The following PARD3B variants were observed in gnomAD, a reference collection of about 807,000 sequenced individuals.
PARD3B encodes the protein par-3 family cell polarity regulator beta, also known as partitioning defective 3 homolog B.
In PARD3B, 103 loss-of-function variants were observed where a neutral mutation model predicts 130.2. The ratio of observed to expected loss-of-function variants is 0.79; its 90% CI spans 0.67 to 0.93. The LOEUF (loss-of-function observed/expected upper bound fraction) is 0.93. Among genes scored for constraint, PARD3B ranks in the 40% least tolerant of loss-of-function variants. The pLI is 0.00. For missense variants in PARD3B, 1,609 were observed against 1,499.2 expected, an observed-to-expected ratio of 1.07 and a Z score of -1.21; for synonymous variants, 583 against 553.2, an observed-to-expected ratio of 1.05 and a Z score of -0.76.
chr2:205,602,635 A>G (rs986243427), intron 22 of PARD3B, among the ~76,000 whole-genome samples: 2 of 152,128 alleles, frequency 1.3e-5, no homozygotes, highest in Non-Finnish European at 2.9e-5. Flanking sequence ...CATTTCTTCT[A>G]AATTTTCTAG....
chr2:205,141,700 G>A (rs2032968865), intron 10 of PARD3B, among the ~76,000 whole-genome samples: 1 of 152,098 alleles, frequency 6.6e-6, no homozygotes, highest in African/African-American at 2.4e-5. Context: ...TGGAAAAAGG[G>A]GAATCACTTT....
chr2:205,309,341 A>C lies in PARD3B; in HGVS notation c.2630+7640A>C, dbSNP rs995852191. Among the ~76,000 whole-genome samples the C allele has an allele frequency of 6.6e-6, 1 of 152,170 alleles. No homozygotes were observed. The highest frequency in any genetic ancestry group is 6.5e-5 in the Admixed American group (1 of 15,280). ...TAATGCAAGCATACCTCAAAGATAG[A>C]CTAGTTCGGTTACATAGTGGAGCAT... On this transcript the variant is annotated intron_variant, in intron 18 of 22. Coordinates refer to ENST00000406610, the MANE Select transcript of PARD3B (RefSeq NM_001302769.2). This position sits in a 1 kb window ranked among gnomAD's most constrained non-coding sequence, Gnocchi z 4.7.
intron 6 of PARD3B, among the ~76,000 whole-genome samples, chr2:205,114,972 A>G (rs1312585018): frequency 2.0e-5 from 3 of 152,146 alleles, no homozygotes; most frequent in Non-Finnish European, 4.4e-5. Flanking sequence ...AGAAATTCTA[A>G]TGACTTTTGG....
At chr2:204,929,504 G>C (rs1270678831) in intron 2 of PARD3B, among the ~76,000 whole-genome samples, 1 of 152,054 alleles carries the variant, frequency 6.6e-6, no homozygotes, top group Non-Finnish European at 1.5e-5. Context: ...GTCCTTTTAA[G>C]TACCAAAATG....
chr2:205,513,749 G>A (rs13432704), intron 21 of PARD3B, among the ~76,000 whole-genome samples: 71,895 of 151,778 alleles, frequency 0.47, 18,173 homozygotes, highest in Middle Eastern at 0.66. Flanking sequence ...CTGAGGAATC[G>A]AAAGTGAATA....
chr2:205,481,874 A>G (rs1471486177), intron 20 of PARD3B, among the ~76,000 whole-genome samples: 1 of 152,188 alleles, frequency 6.6e-6, no homozygotes, highest in Admixed American at 6.5e-5. Context: ...AGTCCAGAAA[A>G]TAGGAGGGAA....
At chr2:204,827,104 T>C (rs925728911) in intron 2 of PARD3B, among the ~76,000 whole-genome samples, 2 of 152,240 alleles carry the variant, frequency 1.3e-5, no homozygotes, top group African/African-American at 2.4e-5. Context: ...GTTGATCTTA[T>C]GTGTTTATAT....
intron 2 of PARD3B, among the ~76,000 whole-genome samples, chr2:204,744,855 C>G (rs567456754): frequency 1.3e-5 from 2 of 152,080 alleles, no homozygotes; most frequent in South Asian, 4.2e-4. Context: ...AAATCTAGAC[C>G]AAGAGGTACC....
intron 3 of PARD3B, among the ~76,000 whole-genome samples, chr2:205,027,576 C>G (rs976278506): frequency 6.6e-6 from 1 of 151,650 alleles, no homozygotes; most frequent in African/African-American, 2.4e-5. Context: ...TGGTGTAGTC[C>G]TGCTTGTTTG....
At chr2:204,573,670 A>G (rs1389044262) in intron 1 of PARD3B, among the ~76,000 whole-genome samples, 1 of 152,188 alleles carries the variant, frequency 6.6e-6, no homozygotes, top group African/African-American at 2.4e-5. Context: ...TGATTGGTAT[A>G]CCATCAGAGT....
chr2:205,543,577 G>A (rs577322235), intron 21 of PARD3B, among the ~76,000 whole-genome samples: 23 of 152,270 alleles, frequency 1.5e-4, no homozygotes, highest in Middle Eastern at 6.8e-3. Flanking sequence ...CAGCATTGTC[G>A]GGGGAGAAAT....
chr2:205,216,341 C>A (rs907299364), intron 15 of PARD3B, among the ~76,000 whole-genome samples: 1 of 152,074 alleles, frequency 6.6e-6, no homozygotes, highest in African/African-American at 2.4e-5. Context: ...TTCTCAGAAC[C>A]TATCTCAGTC....
intron 2 of PARD3B, among the ~76,000 whole-genome samples, chr2:204,704,132 A>G (rs752222337): frequency 2.0e-5 from 3 of 152,196 alleles, no homozygotes; most frequent in Non-Finnish European, 4.4e-5. Flanking sequence ...CTAAGTATGC[A>G]GTTCTGTGGC....
intron 22 of PARD3B, among the ~76,000 whole-genome samples, chr2:205,601,318 G>T (rs1309770271): frequency 2.0e-5 from 3 of 152,110 alleles, no homozygotes; most frequent in Admixed American, 6.5e-5. Flanking sequence ...AGAAGTGTCT[G>T]TTCATGTCCT....
At position 205,041,693 on chromosome 2, in the gene PARD3B, C is replaced by T. The variant is rs184690594; in HGVS notation, c.395-5888C>T. On this transcript the variant is annotated intron_variant, in intron 3 of 22. Coordinates refer to ENST00000406610, the MANE Select transcript of PARD3B (RefSeq NM_001302769.2). ...GACACCAATATTGGTGACAAGCTGG[C>T]CTTCTGGTTATGCTCAGGAGAATCA... 9.2e-5 allele frequency among the ~76,000 whole-genome samples: 14 copies of T among 152,070 alleles called. No homozygotes were observed. In the East Asian group the frequency reaches 2.7e-3, roughly 29 times the overall value.
chr2:204,553,786 A>G (rs1207466181), intron 1 of PARD3B, among the ~76,000 whole-genome samples: 1 of 149,878 alleles, frequency 6.7e-6, no homozygotes, highest in Admixed American at 6.7e-5. Flanking sequence ...ATTGGAGACT[A>G]TTACGGCAAG....
intron 4 of PARD3B, among the ~76,000 whole-genome samples, chr2:205,075,221 A>C (rs1700968606): frequency 6.6e-6 from 1 of 152,174 alleles, no homozygotes; most frequent in East Asian, 1.9e-4. Flanking sequence ...ATCAGATTTC[A>C]CAGTGAAGGA....
chr2:204,604,316 C>T (rs1161880290), intron 1 of PARD3B, among the ~76,000 whole-genome samples: 1 of 152,026 alleles, frequency 6.6e-6, no homozygotes, highest in Non-Finnish European at 1.5e-5. Flanking sequence ...TTCTGGAATT[C>T]TTGGTATCAG....
At position 205,052,266 on chromosome 2, in the gene PARD3B, G is replaced by A. The variant is rs564340647; in HGVS notation, c.504+4576G>A. Among the ~76,000 whole-genome samples the A allele has an allele frequency of 3.3e-5, 5 of 151,728 alleles. No homozygotes were observed. In the East Asian group the frequency reaches 7.7e-4, roughly 23 times the overall value. On this transcript the variant is annotated intron_variant, in intron 4 of 22. Coordinates refer to ENST00000406610, the MANE Select transcript of PARD3B (RefSeq NM_001302769.2). ...TTAAGGCAAATTGATCCTGCAGGGC[G>A]AGAAAATTAAAAACTGGATTCCTGA... is the stretch of plus-strand genomic sequence containing the variant.
Sources: gnomAD v4.1 joint callset for allele counts (sites outside exome capture counted in the v4.1 genomes callset) on GRCh38, gnomAD v4.1.1 for gene constraint, Gnocchi (gnomAD v3.1) non-coding constraint, MANE v1.5 for transcripts, NCBI Gene and HGNC (gene_info 2026-07-23, HGNC 2026-07-21) for gene names.